The following FGD6 variants were observed in gnomAD, a reference collection of about 807,000 sequenced individuals.
FGD6 encodes the protein FYVE, RhoGEF and PH domain-containing protein 6.
A neutral mutation model predicts 149.4 loss-of-function variants in FGD6; 90 were observed. That is an observed-to-expected ratio of 0.60 (90% CI 0.51 to 0.72). FGD6 has a LOEUF of 0.72. Among genes scored for constraint, FGD6 ranks in the 30% least tolerant of loss-of-function variants. FGD6 has a pLI of 0.00. For synonymous variants in FGD6, 527 were observed against 584.0 expected, an observed-to-expected ratio of 0.90 and a Z score of 1.41; for missense variants, 1,437 against 1,684.8, an observed-to-expected ratio of 0.85 and a Z score of 2.57.
intron 13 of FGD6, among the ~76,000 whole-genome samples, chr12:95,105,815 G>C (rs1478786828): frequency 6.6e-6 from 1 of 152,118 alleles, no homozygotes; most frequent in Non-Finnish European, 1.5e-5. Context: ...CTTGAGGTCA[G>C]GACTTTGAGA....
Position 95,209,320 on chromosome 12 carries a change from C to A in FGD6, c.1964G>T (p.Gly655Val). The A allele has an allele frequency of 2.5e-6, 4 of 1,613,598 alleles. No homozygotes were observed. Among genetic ancestry groups the A allele is most frequent in the Non-Finnish European group, 3.4e-6 (4 of 1,179,788 alleles). Reference sequence around the variant, plus strand: ...GGAGAGGTGGCCTGTGGTGGTGTCTCCGAGTTGGCTACTCTTGGACCAAAA... The same window carrying A: ...GGAGAGGTGGCCTGTGGTGGTGTCTACGAGTTGGCTACTCTTGGACCAAAA... ...QKFWSKSSQL[G>V]DTTTGHLSSG... Residue 655 changes from glycine (G) to valine (V), a missense_variant, in exon 2 of 21, where the codon GGA (glycine) becomes GTA (valine). By Grantham distance (109) the Gly-to-Val change is moderately radical. Transcript: ENST00000343958.
At chr12:95,130,580 AAC>A (rs1879490697) in intron 8 of FGD6, among the ~76,000 whole-genome samples, 1 of 152,210 alleles carries the variant, frequency 6.6e-6, no homozygotes, top group Admixed American at 6.5e-5. Context: ...CTTAAAATCC[AAC>A]TTTAAAAAAT....
intron 2 of FGD6, among the ~76,000 whole-genome samples, chr12:95,176,374 A>G (rs1881132391): frequency 6.6e-6 from 1 of 152,234 alleles, no homozygotes; most frequent in African/African-American, 2.4e-5. Flanking sequence ...AAGGAACAGG[A>G]CATAGGGCTT....
intron 19 of FGD6, 130 bp downstream of exon 19, chr12:95,085,650 C>T: frequency 1.0e-6 from 1 of 986,986 alleles, no homozygotes; most frequent in Non-Finnish European, 1.5e-6. Flanking sequence ...ATAACAGCAA[C>T]AACACCTCCC....
At chr12:95,089,735 G>A in intron 17 of FGD6, 39 bp from the exon 18 acceptor site, 1 of 1,603,752 alleles carries the variant, frequency 6.2e-7, no homozygotes, top group South Asian at 1.1e-5. Context: ...GCAATGCTCA[G>A]CATTTTGCAA....
chr12:95,153,166 A>G (rs1049326815), intron 3 of FGD6, among the ~76,000 whole-genome samples, 173 bp from the exon 4 acceptor site: 11 of 152,354 alleles, frequency 7.2e-5, no homozygotes, highest in South Asian at 4.1e-4. Context: ...GGGATAAACC[A>G]TGTCACAGGA....
At chr12:95,105,697 G>C (rs1025859389) in intron 13 of FGD6, among the ~76,000 whole-genome samples, 2 of 152,176 alleles carry the variant, frequency 1.3e-5, no homozygotes, top group Non-Finnish European at 2.9e-5. Flanking sequence ...ATTAATGCAT[G>C]AGTGAACAAA....
At position 95,217,404 on chromosome 12, in the gene FGD6, G is replaced by T. The variant is rs896751965; in HGVS notation, c.-164C>A. The T allele has an allele frequency of 7.7e-6, 9 of 1,172,508 alleles. No individual in the cohort carries two copies. The highest frequency in any genetic ancestry group is 9.1e-6 in the Non-Finnish European group (8 of 881,938). The allele number at this position is 1,172,508 out of a possible 1,614,324, so 72.6% of individuals were successfully genotyped here. A position where few individuals can be genotyped will look rare whatever the true frequency, so the allele number is the denominator to read the frequency against. On this transcript the variant is annotated 5_prime_UTR_variant, in exon 1 of 21. Coordinates refer to ENST00000343958, the MANE Select transcript of FGD6 (RefSeq NM_018351.4). Reference sequence around the variant, plus strand: ...TGAGCGCCACACAAAGGACGCGGCCGACTCTAGCGACCCTGCGGCGCTCCC... The same window carrying T: ...TGAGCGCCACACAAAGGACGCGGCCTACTCTAGCGACCCTGCGGCGCTCCC...
intron 5 of FGD6, among the ~76,000 whole-genome samples, chr12:95,152,371 A>G (rs1880337096): frequency 6.6e-6 from 1 of 152,176 alleles, no homozygotes; most frequent in African/African-American, 2.4e-5. Context: ...AAAAACAGAA[A>G]ATAGAACTAA....
intron 7 of FGD6, among the ~76,000 whole-genome samples, chr12:95,136,393 A>C (rs183615885): frequency 9.2e-5 from 14 of 152,256 alleles, no homozygotes; most frequent in Admixed American, 8.5e-4. Context: ...AACAAACAAA[A>C]AAAACCCTTT....
intron 2 of FGD6, among the ~76,000 whole-genome samples, chr12:95,194,288 T>G (rs1395205791): frequency 6.6e-6 from 1 of 151,924 alleles, no homozygotes; most frequent in Non-Finnish European, 1.5e-5. Context: ...CAGGCTGGAG[T>G]GCAGTGGCAT....
At chr12:95,156,044 C>T (rs770886183) in intron 3 of FGD6, among the ~76,000 whole-genome samples, 6 of 152,090 alleles carry the variant, frequency 3.9e-5, no homozygotes, top group Admixed American at 6.6e-5. Flanking sequence ...CCGTCACCTT[C>T]GTAAGCTGAG....
In FGD6 at chr12:95,210,301, T is replaced by A; in HGVS notation, c.983A>T (p.Gln328Leu). The A allele has an allele frequency of 2.5e-6, 4 of 1,614,202 alleles. No homozygotes were observed. The highest frequency in any genetic ancestry group is 2.5e-6 in the Non-Finnish European group (3 of 1,180,026). Residue 328 changes from glutamine to leucine, a missense_variant, in exon 2 of 21, where the codon CAA becomes CTA. Gln to Leu is a moderately radical substitution (Grantham distance 113). Around this residue, in one of 2 missense-constraint regions of FGD6, gnomAD observed 1,055 missense variants for 1,146.0 expected, o/e 0.92. Transcript: ENST00000343958. ...TTCACTAGGAGTATCTACACACTTT[T>A]GGCGTAACAGACGAGCAGTTCGTGT... ...RKTRTARLLR[Q>L]KCVDTPSEST...
At chr12:95,148,931 G>T (rs1425368618) in intron 5 of FGD6, among the ~76,000 whole-genome samples, 1 of 4,386 alleles carries the variant, frequency 2.3e-4, no homozygotes, top group African/African-American at 1.5e-3. Context: ...ATAAGATATA[G>T]CATATATTAT....
At chr12:95,172,541 A>C (rs1881023641) in intron 3 of FGD6, 59 bp downstream of exon 3, 2 of 1,436,386 alleles carry the variant, frequency 1.4e-6, no homozygotes, top group Non-Finnish European at 1.9e-6. Context: ...TATTATGCAG[A>C]CAAATATCAT....
intron 2 of FGD6, 29 bp downstream of exon 2, chr12:95,208,814 T>C (rs987597340): frequency 2.5e-6 from 4 of 1,589,460 alleles, no homozygotes; most frequent in African/African-American, 1.3e-5. Flanking sequence ...CAATGATGCA[T>C]GCAAAAGTGT....
intron 3 of FGD6, 125 bp from the exon 4 acceptor site, chr12:95,153,118 T>C (rs1880358899): frequency 2.7e-6 from 2 of 750,592 alleles, no homozygotes; most frequent in Non-Finnish European, 2.2e-6. Context: ...GTTCATACCA[T>C]ATAACATTTC....
chr12:95,129,821 T>C (rs921038613), intron 8 of FGD6, among the ~76,000 whole-genome samples: 2 of 152,114 alleles, frequency 1.3e-5, no homozygotes, highest in Non-Finnish European at 2.9e-5. Flanking sequence ...TATAGGCGCA[T>C]GCTACCACGC....
chr12:95,108,884 CCTATT>C (rs1365483016), intron 9 of FGD6, among the ~76,000 whole-genome samples: 5 of 152,152 alleles, frequency 3.3e-5, no homozygotes, highest in Non-Finnish European at 7.3e-5. Flanking sequence ...ATTTGATTAT[CCTATT>C]CAAGTTTACA....
Sources: gnomAD v4.1 joint callset for allele counts (sites outside exome capture counted in the v4.1 genomes callset) on GRCh38, gnomAD v4.1.1 for gene constraint, gnomAD v4.1.1 regional missense constraint, MANE v1.5 for transcripts, NCBI Gene and HGNC (gene_info 2026-07-23, HGNC 2026-07-21) for gene names.